PCDH15: variants seen among roughly 807,000 people sequenced by gnomAD.
The protein encoded by PCDH15 is protocadherin related 15.
In PCDH15, 129 loss-of-function variants were observed where a neutral mutation model predicts 178.5. That is an observed-to-expected ratio of 0.72 (90% CI 0.63 to 0.84). The LOEUF is 0.84. Among genes scored for constraint, PCDH15 ranks in the 40% least tolerant of loss-of-function variants. The probability of loss-of-function intolerance (pLI) is 0.00; values close to 1 mark genes in which losing one functional copy is unlikely to be tolerated. For missense variants in PCDH15, 2,230 were observed against 2,099.9 expected (o/e 1.06, Z -1.21); for synonymous variants, 800 against 732.0 (o/e 1.09, Z -1.50).
rs1031558397 is a variant in PCDH15, at chr10:55,136,348, A to AT, written c.-80+30227dup. Among the ~76,000 whole-genome samples the AT allele has an allele frequency of 2.0e-4, 31 of 152,080 alleles. 1 individual carries two copies. The highest frequency in any genetic ancestry group is 4.8e-4 in the African/African-American group (20 of 41,500). On this transcript the variant is annotated intron_variant, in intron 2 of 5. Transcript: ENST00000458638. ...TTTCCAGTTTTGTGAGTAAATATAT[A>AT]TTTTTTTATTTTCAAGGAGAATACA...
chr10:54,742,582 G>A (rs1944950026), intron 1 of PCDH15, among the ~76,000 whole-genome samples: 1 of 152,018 alleles, frequency 6.6e-6, no homozygotes, highest in Admixed American at 6.6e-5. Flanking sequence ...TTCTCCTGAA[G>A]AGACAATAGA....
At chr10:55,250,708 T>C (rs1841814566) in intron 1 of PCDH15, among the ~76,000 whole-genome samples, 1 of 151,580 alleles carries the variant, frequency 6.6e-6, no homozygotes, top group Non-Finnish European at 1.5e-5. Context: ...AGCTATTTTT[T>C]GTATTTTTAG....
intron 34 of PCDH15, among the ~76,000 whole-genome samples, 198 bp from the exon 35 acceptor site, chr10:53,816,475 CATTT>C (rs2076063243): frequency 6.6e-6 from 1 of 152,100 alleles, no homozygotes; most frequent in Non-Finnish European, 1.5e-5. Flanking sequence ...AATAAGAATT[CATTT>C]GTTATGTTTT....
chr10:54,197,968 T>G (rs2133945797), intron 10 of PCDH15, among the ~76,000 whole-genome samples: 1 of 152,322 alleles, frequency 6.6e-6, no homozygotes, highest in African/African-American at 2.4e-5. Flanking sequence ...CTAGATTTTC[T>G]TAGTAATATT....
intron 8 of PCDH15, among the ~76,000 whole-genome samples, chr10:54,292,548 G>T (rs913554233): frequency 6.6e-6 from 1 of 152,180 alleles, no homozygotes; most frequent in African/African-American, 2.4e-5. Context: ...GTTTGCAGAT[G>T]ACATGATTGC....
chr10:54,191,004 A>C (rs1803675325), intron 11 of PCDH15, among the ~76,000 whole-genome samples: 1 of 152,210 alleles, frequency 6.6e-6, no homozygotes, highest in African/African-American at 2.4e-5. Context: ...CAGCTTTCTA[A>C]GAATTAGAGT....
chr10:54,870,742 C>A (rs1385010611), intron 3 of PCDH15, among the ~76,000 whole-genome samples: 3 of 151,748 alleles, frequency 2.0e-5, no homozygotes, highest in Non-Finnish European at 4.4e-5. Flanking sequence ...GCCGAGATCG[C>A]ACCACTGCAC....
chr10:55,219,064 A>G (rs1240237763), intron 1 of PCDH15, among the ~76,000 whole-genome samples: 2 of 152,012 alleles, frequency 1.3e-5, no homozygotes, highest in African/African-American at 2.4e-5. Flanking sequence ...AATAATCTCT[A>G]TGCTTACTGC....
rs1042810125 is a variant in PCDH15 at position 53,841,744 on chromosome 10, G to A, written c.3807-1248C>T. ...CTCTCGGCTTCGCAATTTCTTTTCT[G>A]ATGACATCCTTGAAGTAGACTAAGA... is the stretch of plus-strand genomic sequence containing the variant. On this transcript the variant is annotated intron_variant, in intron 28 of 37. Transcript: ENST00000644397. 3.9e-5 allele frequency among the ~76,000 whole-genome samples: 6 copies of A among 152,222 alleles called. No individual in the cohort carries two copies. The South Asian group carries it at 1.2e-3, about 32-fold the overall frequency.
At chr10:54,351,606 A>T (rs1167215328) in intron 5 of PCDH15, among the ~76,000 whole-genome samples, 1 of 152,152 alleles carries the variant, frequency 6.6e-6, no homozygotes, top group Admixed American at 6.6e-5. Context: ...CTATACTGGA[A>T]TACTGTATCC....
intron 3 of PCDH15, among the ~76,000 whole-genome samples, chr10:54,825,900 G>A (rs1368556087): frequency 2.6e-5 from 4 of 152,056 alleles, no homozygotes. Context: ...ACATCAGGAA[G>A]TAGCATATTC....
At chr10:53,915,441 C>T (rs565363046) in intron 25 of PCDH15, among the ~76,000 whole-genome samples, 2 of 152,214 alleles carry the variant, frequency 1.3e-5, no homozygotes, top group Admixed American at 1.3e-4. Context: ...AATTAATTAG[C>T]CTTTGCATAA....
At chr10:54,211,566 T>A (rs1054084792) in intron 10 of PCDH15, among the ~76,000 whole-genome samples, 12 of 152,046 alleles carry the variant, frequency 7.9e-5, no homozygotes, top group Admixed American at 6.6e-4. Flanking sequence ...ATGAGAAATC[T>A]CTAATTTGTG....
At chr10:54,868,736 G>C in intron 3 of PCDH15, among the ~76,000 whole-genome samples, 1 of 152,058 alleles carries the variant, frequency 6.6e-6, no homozygotes, top group Non-Finnish European at 1.5e-5. Context: ...AGTCAATATA[G>C]ATTAGTAGAA....
chr10:55,017,881 C>A (rs1840222056), intron 2 of PCDH15, among the ~76,000 whole-genome samples: 1 of 152,014 alleles, frequency 6.6e-6, no homozygotes, highest in Non-Finnish European at 1.5e-5. Context: ...GAAAAGTGTT[C>A]CCACAATTAT....
At chr10:54,129,249 T>G (rs2042229176) in intron 15 of PCDH15, among the ~76,000 whole-genome samples, 1 of 152,052 alleles carries the variant, frequency 6.6e-6, no homozygotes, top group Non-Finnish European at 1.5e-5. Context: ...CATATCTCGG[T>G]TTGTAAGTAA....
At position 55,421,239 on chromosome 10, in the gene PCDH15, GAAGAT is replaced by G. The variant is rs1186257455; in HGVS notation, c.-156+206381_-156+206385del. On this transcript the variant is annotated intron_variant, in intron 2 of 5. Transcript: ENST00000613346. ...ATAAAACTCAGATAAGTCGAGGCAA[GAAGAT>G]AAGACCATAAGATTTACATTAAGAA... is the stretch of plus-strand genomic sequence containing the variant. 1.1e-4 allele frequency among the ~76,000 whole-genome samples: 17 copies of G among 151,178 alleles called. No homozygotes were observed. In the South Asian group the frequency reaches 2.3e-3, roughly 20 times the overall value.
intron 10 of PCDH15, among the ~76,000 whole-genome samples, chr10:54,209,900 T>C (rs2051225566): frequency 6.6e-6 from 1 of 152,132 alleles, no homozygotes; most frequent in African/African-American, 2.4e-5. Flanking sequence ...TAGTGATTCA[T>C]GTAGGGACAG....
Position 55,310,418 on chromosome 10 carries a change from CT to C in PCDH15, c.-156+9180del, listed in dbSNP as rs201893874. On this transcript the variant is annotated intron_variant, in intron 1 of 5. Transcript: ENST00000458638. ...TTTGAGAAAATAAAACTGTTATTAC[CT>C]TTTTTTCATTTCTAAAAGAACTTGT... Among the ~76,000 whole-genome samples, 78 of 152,088 alleles carry C rather than the reference CT, an allele frequency of 5.1e-4. No individual in the cohort carries two copies. The East Asian group carries it at 0.012, about 24-fold the overall frequency.
Sources: allele counts gnomAD v4.1 joint callset (sites outside exome capture counted in the v4.1 genomes callset), GRCh38; gene constraint gnomAD v4.1.1; transcripts MANE v1.5; gene names NCBI Gene and HGNC (gene_info 2026-07-23, HGNC 2026-07-21).